The following PTGER3 variants were observed in gnomAD, a reference collection of about 807,000 sequenced individuals.
PTGER3 encodes prostaglandin E2 receptor EP3 subtype.
PTGER3 carries 22 observed loss-of-function variants against 34.7 expected under a neutral mutation model. The observed-to-expected ratio is 0.63, with a 90% CI of 0.45 to 0.91. The LOEUF is 0.91. Among genes scored for constraint, PTGER3 ranks in the 40% least tolerant of loss-of-function variants. The probability of loss-of-function intolerance (pLI) is 0.00; values close to 1 mark genes in which losing one functional copy is unlikely to be tolerated. For missense variants in PTGER3, 468 were observed against 519.4 expected (o/e 0.90, Z 0.96); for synonymous variants, 241 against 230.1 (o/e 1.05, Z -0.43).
chr1:70,986,227 A>G (rs559700609), intron 2 of PTGER3, among the ~76,000 whole-genome samples: 20 of 152,302 alleles, frequency 1.3e-4, no homozygotes, highest in African/African-American at 4.3e-4. Flanking sequence ...AGAGATAACC[A>G]TAAAAATGGG....
chr1:70,863,042 G>A (rs1251649523), intron 4 of PTGER3, among the ~76,000 whole-genome samples: 1 of 152,072 alleles, frequency 6.6e-6, no homozygotes, highest in East Asian at 1.9e-4. Flanking sequence ...ATTGGTGGTA[G>A]GTTATTTAAA....
At chr1:71,016,802 C>A (rs1415828709) in intron 1 of PTGER3, among the ~76,000 whole-genome samples, 320 of 129,834 alleles carry the variant, frequency 2.5e-3, no homozygotes, top group Admixed American at 2.6e-3. Flanking sequence ...GACTTGGGCT[C>A]AAAAAAAAAA....
intron 1 of PTGER3, among the ~76,000 whole-genome samples, chr1:71,040,215 G>T (rs576717366): frequency 1.4e-4 from 21 of 151,596 alleles, no homozygotes; most frequent in Admixed American, 3.9e-4. Context: ...GGAAGGGAAG[G>T]GTTCATAAAG....
chr1:71,008,785 ATTG>A (rs1657191462), intron 2 of PTGER3: 1 of 956,478 alleles, frequency 1.0e-6, no homozygotes, highest in Non-Finnish European at 1.2e-6. Flanking sequence ...AAAATTTGTC[ATTG>A]TTGATGGTTT....
intron 2 of PTGER3, among the ~76,000 whole-genome samples, chr1:70,956,440 C>G (rs892075655): frequency 5.3e-5 from 8 of 151,644 alleles, no homozygotes; most frequent in Non-Finnish European, 1.2e-4. Flanking sequence ...GTCTTTCAAA[C>G]ATGACTTTTT....
chr1:70,912,627 C>A (rs528171882), intron 4 of PTGER3, among the ~76,000 whole-genome samples: 1 of 152,064 alleles, frequency 6.6e-6, no homozygotes, highest in Non-Finnish European at 1.5e-5. Context: ...CATCATGGAA[C>A]CAACATATAA....
chr1:70,892,272 T>C (rs946783268), intron 4 of PTGER3, among the ~76,000 whole-genome samples: 2 of 152,206 alleles, frequency 1.3e-5, no homozygotes, highest in Non-Finnish European at 1.5e-5. Context: ...TGTAAAATGT[T>C]GACGATAACC....
In PTGER3 at chr1:70,983,243, A is replaced by G. The variant is rs144222508; in HGVS notation, c.1078-8855T>C. On this transcript the variant is annotated intron_variant, in intron 2 of 3. Transcript: ENST00000306666. ...GAGTGCTCGAGAGGGACTGCATTTC[A>G]TGAAGTCACCCAGGATGTGCTTGAG... Among the ~76,000 whole-genome samples the G allele has an allele frequency of 6.8e-3, 1,036 of 151,754 alleles. 18 individuals carry two copies. The highest frequency in any genetic ancestry group is 0.024 in the African/African-American group (994 of 41,308).
downstream of PTGER3, among the ~76,000 whole-genome samples, chr1:70,948,617 C>T (rs1034859883): frequency 2.6e-5 from 4 of 152,120 alleles, no homozygotes; most frequent in African/African-American, 9.7e-5. Flanking sequence ...ACTTGAGTCT[C>T]ACGTGCATAA....
At chr1:71,019,370 C>G (rs932537671) in intron 1 of PTGER3, among the ~76,000 whole-genome samples, 7 of 152,170 alleles carry the variant, frequency 4.6e-5, no homozygotes, top group African/African-American at 1.7e-4. Flanking sequence ...CCAATTCTAG[C>G]TGAACGGAGC....
chr1:70,913,608 G>A (rs1055095966), intron 4 of PTGER3, among the ~76,000 whole-genome samples: 2 of 151,818 alleles, frequency 1.3e-5, no homozygotes, highest in Non-Finnish European at 2.9e-5. Flanking sequence ...ATGATATTAA[G>A]CCACAGAATA....
intron 4 of PTGER3, among the ~76,000 whole-genome samples, chr1:70,883,450 A>G (rs1481085054): frequency 2.0e-5 from 3 of 152,194 alleles, no homozygotes; most frequent in African/African-American, 7.2e-5. Flanking sequence ...AAGTATACCA[A>G]TTAGGTGACT....
intron 4 of PTGER3, among the ~76,000 whole-genome samples, chr1:70,942,068 T>C (rs182727157): frequency 9.9e-5 from 15 of 152,234 alleles, no homozygotes; most frequent in Admixed American, 7.9e-4. Flanking sequence ...AACCCCCTTA[T>C]GTTACAATCC....
At chr1:70,999,373 TGAAGA>T (rs1012195063) in intron 2 of PTGER3, among the ~76,000 whole-genome samples, 1 of 152,172 alleles carries the variant, frequency 6.6e-6, no homozygotes, top group Non-Finnish European at 1.5e-5. Context: ...AGCAGTCAGT[TGAAGA>T]GAAAACTGGT....
chr1:70,869,250 G>T (rs1422187385), intron 4 of PTGER3: 2 of 470,864 alleles, frequency 4.2e-6, no homozygotes, highest in South Asian at 1.6e-5. Context: ...TCACTATCAT[G>T]AGAACTGCAC....
chr1:70,952,636 G>T, exon 4 of PTGER3: 1 of 1,066,108 alleles, frequency 9.4e-7, no homozygotes, highest in South Asian at 4.2e-5. Flanking sequence ...AATTTCTGTT[G>T]ACTAAAGCAG....
Position 71,047,719 on chromosome 1 carries a change from C to T in PTGER3, c.-142G>A. The T allele has an allele frequency of 1.1e-6, 1 of 914,972 alleles. No individual in the cohort carries two copies. 56.7% of individuals were successfully genotyped at this position (914,972 alleles called of 1,614,324 possible). ...CATGGTGCGGGGCGCAGCCGCCGCC[C>T]TACTCCGCTGCTGGGACCGCGGCCG... On this transcript the variant is annotated 5_prime_UTR_variant, in exon 1 of 4. Transcript: ENST00000306666.
intron 4 of PTGER3, among the ~76,000 whole-genome samples, chr1:70,892,950 A>G (rs1050837131): frequency 2.6e-5 from 4 of 152,094 alleles, no homozygotes; most frequent in Admixed American, 2.6e-4. Context: ...CCTGTAATAC[A>G]TATTAAATAA....
At chr1:70,884,878 A>G (rs1304313594) in intron 4 of PTGER3, among the ~76,000 whole-genome samples, 1 of 152,164 alleles carries the variant, frequency 6.6e-6, no homozygotes, top group Admixed American at 6.5e-5. Context: ...GTGTCTTTCT[A>G]TGTAAAGGAA....
Sources: gnomAD v4.1 joint callset for allele counts (sites outside exome capture counted in the v4.1 genomes callset) on GRCh38, gnomAD v4.1.1 for gene constraint, MANE v1.5 for transcripts, NCBI Gene and HGNC (gene_info 2026-07-23, HGNC 2026-07-21) for gene names.